Variants in TJP1 observed in about 807,000 individuals in gnomAD.
TJP1 encodes the protein tight junction protein ZO-1.
Under a neutral mutation model 194.2 loss-of-function variants are expected in TJP1, and 43 were observed. The observed-to-expected ratio is 0.22, with a 90% CI of 0.17 to 0.29. The LOEUF (loss-of-function observed/expected upper bound fraction) is 0.29. TJP1 is among the 10% of genes least tolerant of loss of function. TJP1 has a pLI of 1.00. For missense variants in TJP1, 1,971 were observed against 2,185.7 expected (o/e 0.90, Z 1.96); for synonymous variants, 801 against 779.0 (o/e 1.03, Z -0.47).
intron 1 of TJP1, among the ~76,000 whole-genome samples, chr15:29,967,943 A>C (rs1054013792): frequency 2.0e-5 from 3 of 152,242 alleles, no homozygotes; most frequent in African/African-American, 7.2e-5. Context: ...TCTTAATCCT[A>C]AATCTCAAGC....
At chr15:29,861,807 G>A (rs971297869) in intron 2 of TJP1, among the ~76,000 whole-genome samples, 1 of 152,178 alleles carries the variant, frequency 6.6e-6, no homozygotes, top group African/African-American at 2.4e-5. Flanking sequence ...TCTCTTTACT[G>A]ACGGTATCAT....
At chr15:29,902,042 T>C (rs1347350102) in intron 2 of TJP1, among the ~76,000 whole-genome samples, 3 of 152,128 alleles carry the variant, frequency 2.0e-5, no homozygotes, top group Non-Finnish European at 4.4e-5. Flanking sequence ...AACCCTCTAG[T>C]TCATGTCATC....
intron 2 of TJP1, among the ~76,000 whole-genome samples, chr15:29,835,376 C>T (rs1324007646): frequency 1.3e-5 from 2 of 152,142 alleles, no homozygotes; most frequent in Non-Finnish European, 2.9e-5. Context: ...CCCAGCTCAG[C>T]TTAAGTATAT....
Position 29,720,615 on chromosome 15 carries a change from C to T in TJP1, c.2506G>A (p.Asp836Asn). 6.2e-7 allele frequency: 1 copy of T among 1,614,128 alleles called. No homozygotes were observed. The highest frequency in any genetic ancestry group is 8.5e-7 in the Non-Finnish European group (1 of 1,180,030). Residue 836 changes from aspartate (D) to asparagine (N), a missense_variant, in exon 19 of 28, where the codon GAC becomes AAC. Asp to Asn is a conservative substitution (Grantham distance 23). Transcript: ENST00000614355. ...TCATAGTCAGAAGTGTGTCTACTGT[C>T]CGTGCTATACATTGAGTATTCACTA... is the stretch of plus-strand genomic sequence containing the variant. ...PGSEYSMYST[D>N]SRHTSDYEDT...
At chr15:29,844,448 G>A (rs780232600) in intron 2 of TJP1, among the ~76,000 whole-genome samples, 2 of 152,180 alleles carry the variant, frequency 1.3e-5, no homozygotes, top group Admixed American at 6.5e-5. Flanking sequence ...GGCCAGTGAG[G>A]TGGCACCAGC....
At chr15:29,761,439 T>C (rs981676281) in intron 7 of TJP1, among the ~76,000 whole-genome samples, 153 bp from the exon 8 acceptor site, 1 of 152,196 alleles carries the variant, frequency 6.6e-6, no homozygotes, top group Non-Finnish European at 1.5e-5. Flanking sequence ...ATCATATCAA[T>C]AGTGGTGAGT....
chr15:29,853,970 G>T (rs1464612580), intron 2 of TJP1, among the ~76,000 whole-genome samples: 1 of 152,168 alleles, frequency 6.6e-6, no homozygotes, highest in South Asian at 2.1e-4. Context: ...TACTTTCACC[G>T]CATCACCACT....
intron 1 of TJP1, among the ~76,000 whole-genome samples, chr15:29,815,081 C>A (rs1042107080): frequency 2.6e-5 from 4 of 152,118 alleles, no homozygotes; most frequent in African/African-American, 9.7e-5. Context: ...ACTCCCTACC[C>A]ACGTATTCCC....
At chr15:29,933,793 G>T (rs2054797338) in intron 2 of TJP1, among the ~76,000 whole-genome samples, 1 of 152,158 alleles carries the variant, frequency 6.6e-6, no homozygotes, top group African/African-American at 2.4e-5. Context: ...AAACACAAAT[G>T]CCTGAAAGCA....
At chr15:29,807,263 A>G (rs2049172312) in intron 1 of TJP1, among the ~76,000 whole-genome samples, 1 of 152,222 alleles carries the variant, frequency 6.6e-6, no homozygotes, top group South Asian at 2.1e-4. Context: ...AAGTTCACAG[A>G]TAAGCTGCTA....
intron 2 of TJP1, among the ~76,000 whole-genome samples, chr15:29,869,020 A>G (rs2052401124): frequency 6.6e-6 from 1 of 152,212 alleles, no homozygotes; most frequent in East Asian, 1.9e-4. Context: ...GGTATATTAT[A>G]TTATTATAAA....
intron 9 of TJP1, among the ~76,000 whole-genome samples, chr15:29,741,700 TGAG>T (rs755165341): frequency 2.6e-5 from 4 of 152,152 alleles, no homozygotes; most frequent in African/African-American, 4.8e-5. Flanking sequence ...AAAATAGATA[TGAG>T]AAGAGAGAAT....
intron 4 of TJP1, among the ~76,000 whole-genome samples, chr15:29,768,605 C>G (rs1319676176): frequency 6.6e-6 from 1 of 152,108 alleles, no homozygotes; most frequent in Non-Finnish European, 1.5e-5. Flanking sequence ...AGTATGTATA[C>G]CTATCCAGCC....
At chr15:29,771,314 G>C (rs974036880) in intron 4 of TJP1, among the ~76,000 whole-genome samples, 1 of 152,176 alleles carries the variant, frequency 6.6e-6, no homozygotes, top group Non-Finnish European at 1.5e-5. Flanking sequence ...AGCCTGTACA[G>C]CATGTTAGTG....
chr15:29,743,825 C>T (rs1207200317), intron 8 of TJP1, among the ~76,000 whole-genome samples: 4 of 152,116 alleles, frequency 2.6e-5, no homozygotes, highest in Non-Finnish European at 5.9e-5. Flanking sequence ...TGTACAAATA[C>T]GTAATAAATA....
At chr15:29,901,774 T>C (rs943183475) in intron 2 of TJP1, among the ~76,000 whole-genome samples, 6 of 150,840 alleles carry the variant, frequency 4.0e-5, no homozygotes, top group Middle Eastern at 6.9e-3. Context: ...TGAGCCAAGA[T>C]TGCACCACTG....
At chr15:29,788,458 A>G (rs941682461) in intron 2 of TJP1, among the ~76,000 whole-genome samples, 7 of 152,198 alleles carry the variant, frequency 4.6e-5, no homozygotes, top group African/African-American at 1.2e-4. Flanking sequence ...ACTTACACCT[A>G]TGGTTCATTT....
intron 5 of TJP1, among the ~76,000 whole-genome samples, chr15:29,765,218 A>T (rs1595811743): frequency 6.6e-6 from 1 of 152,304 alleles, no homozygotes; most frequent in Non-Finnish European, 1.5e-5. Context: ...AGAGCGGAAA[A>T]GATACCAGAC....
At chr15:29,787,645 C>G (rs1448315288) in intron 2 of TJP1, among the ~76,000 whole-genome samples, 2 of 152,146 alleles carry the variant, frequency 1.3e-5, no homozygotes, top group African/African-American at 4.8e-5. Flanking sequence ...ATAATGTTTT[C>G]AAGGTTCATC....
Sources: gnomAD v4.1 joint callset for allele counts (sites outside exome capture counted in the v4.1 genomes callset) on GRCh38, gnomAD v4.1.1 for gene constraint, MANE v1.5 for transcripts, NCBI Gene and HGNC (gene_info 2026-07-23, HGNC 2026-07-21) for gene names.